The following BACH2 variants were observed in gnomAD, a reference collection of about 807,000 sequenced individuals.
The protein encoded by BACH2 is transcription regulator protein BACH2.
In BACH2, 5 loss-of-function variants were observed where a neutral mutation model predicts 61.8. That is an observed-to-expected ratio of 0.08 (90% CI 0.04 to 0.17). The LOEUF is 0.17. BACH2 is among the 10% of genes least tolerant of loss of function. The probability of loss-of-function intolerance (pLI) is 1.00; values close to 1 mark genes in which losing one functional copy is unlikely to be tolerated. For synonymous variants in BACH2, 446 were observed against 440.1 expected (o/e 1.01, Z -0.17); for missense variants, 824 against 1,091.1 (o/e 0.76, Z 3.45).
At chr6:90,042,797 C>A (rs1779599999) in intron 5 of BACH2, among the ~76,000 whole-genome samples, 1 of 152,188 alleles carries the variant, frequency 6.6e-6, no homozygotes, top group Admixed American at 6.5e-5. Flanking sequence ...CTAAGTTGCT[C>A]TTCCAACTTA....
intron 4 of BACH2, among the ~76,000 whole-genome samples, chr6:90,123,916 C>T (rs913883437): frequency 2.0e-5 from 3 of 151,186 alleles, no homozygotes; most frequent in African/African-American, 4.9e-5. Flanking sequence ...AGGGAGGGTG[C>T]GACTCTCCTC....
At chr6:90,031,458 T>C (rs569310035) in intron 5 of BACH2, among the ~76,000 whole-genome samples, 2 of 152,268 alleles carry the variant, frequency 1.3e-5, no homozygotes, top group Non-Finnish European at 2.9e-5. Flanking sequence ...GAAAACCCCA[T>C]CTTCTCAGCC....
intron 6 of BACH2, among the ~76,000 whole-genome samples, chr6:89,977,286 G>C (rs1775703215): frequency 6.6e-6 from 1 of 152,116 alleles, no homozygotes; most frequent in South Asian, 2.1e-4. Context: ...ATGTACAGAA[G>C]GTTAGCTATT....
intron 3 of BACH2, among the ~76,000 whole-genome samples, chr6:90,211,542 C>T (rs945673193): frequency 9.2e-5 from 14 of 151,422 alleles, no homozygotes; most frequent in Non-Finnish European, 1.6e-4. Context: ...ACATAAGCCA[C>T]CTTTAATCCT....
chr6:89,938,602 A>G (rs1338865385), intron 7 of BACH2, among the ~76,000 whole-genome samples: 3 of 152,266 alleles, frequency 2.0e-5, no homozygotes, highest in Non-Finnish European at 4.4e-5. Context: ...TGACATGAAC[A>G]ATATTGGAAA....
intron 3 of BACH2, among the ~76,000 whole-genome samples, chr6:90,245,158 C>T (rs553126087): frequency 6.6e-6 from 1 of 151,822 alleles, no homozygotes; most frequent in African/African-American, 2.4e-5. Flanking sequence ...GAGATCATGC[C>T]ACTGCAATCC....
intron 6 of BACH2, among the ~76,000 whole-genome samples, chr6:89,998,547 A>T (rs1434583125): frequency 6.6e-6 from 1 of 152,234 alleles, no homozygotes; most frequent in Non-Finnish European, 1.5e-5. Flanking sequence ...TCCACTCCTC[A>T]AAGCAAAACA....
At chr6:90,090,377 G>A (rs1374512508) in intron 4 of BACH2, among the ~76,000 whole-genome samples, 3 of 152,020 alleles carry the variant, frequency 2.0e-5, no homozygotes, top group African/African-American at 7.2e-5. Flanking sequence ...TTGCATGAAA[G>A]GGCATAAACT....
intron 4 of BACH2, chr6:90,117,049 G>T: frequency 3.0e-6 from 1 of 330,786 alleles, no homozygotes. Context: ...TATGAATTCA[G>T]CCATTGTTCA....
chr6:89,990,688 C>T (rs1776496574), intron 6 of BACH2, among the ~76,000 whole-genome samples: 1 of 152,034 alleles, frequency 6.6e-6, no homozygotes. Flanking sequence ...TCTCACTGAG[C>T]CCTGTCCTAA....
intron 4 of BACH2, among the ~76,000 whole-genome samples, chr6:90,093,128 C>A (rs983311071): frequency 6.6e-6 from 1 of 152,164 alleles, no homozygotes; most frequent in Non-Finnish European, 1.5e-5. Context: ...AAACTTAGGA[C>A]AGCAGGTCTT....
intron 4 of BACH2, among the ~76,000 whole-genome samples, chr6:90,099,054 GT>G (rs563373682): frequency 2.4e-4 from 35 of 148,276 alleles, no homozygotes; most frequent in African/African-American, 3.9e-4. Context: ...AATTAAACCT[GT>G]TTTTTTTTTC....
intron 4 of BACH2, among the ~76,000 whole-genome samples, chr6:90,184,115 A>G (rs1768263677): frequency 6.6e-6 from 1 of 152,172 alleles, no homozygotes; most frequent in Admixed American, 6.5e-5. Flanking sequence ...GAAACCAAGT[A>G]CCCTGACCCA....
At chr6:90,070,517 C>T (rs1021569172) in intron 5 of BACH2, among the ~76,000 whole-genome samples, 3 of 152,288 alleles carry the variant, frequency 2.0e-5, no homozygotes, top group South Asian at 2.1e-4. Flanking sequence ...TGATGTCCCA[C>T]GGTCCTCCTG....
chr6:90,003,790 C>A (rs1049581778), intron 6 of BACH2, among the ~76,000 whole-genome samples: 1 of 152,160 alleles, frequency 6.6e-6, no homozygotes, highest in African/African-American at 2.4e-5. Context: ...GTGGTGTCTT[C>A]TTCAGAGTTT....
Position 90,065,270 on chromosome 6 carries a change from C to CTTTTTTTTTT in BACH2, c.-13+23681_-13+23690dup, listed in dbSNP as rs71027920. Among the ~76,000 whole-genome samples the CTTTTTTTTTT allele has an allele frequency of 7.2e-4, 38 of 52,666 alleles. 5 individuals carry two copies. The East Asian group carries it at 0.013, about 18-fold the overall frequency. The allele number at this position is 52,666 out of a possible 152,430, so 34.6% of individuals were successfully genotyped here. On this transcript the variant is annotated intron_variant, in intron 5 of 8. Transcript: ENST00000257749. ...GCCACCCCACCCCCTGCCGCCCCCA[C>CTTTTTTTTTT]TTTTTTTTTTTTTTTTTTTTTTTTT...
chr6:90,114,055 C>G (rs1024785068), intron 4 of BACH2, among the ~76,000 whole-genome samples: 1 of 152,064 alleles, frequency 6.6e-6, no homozygotes, highest in Non-Finnish European at 1.5e-5. Context: ...AAGCGCAAGA[C>G]CTGATGGATT....
rs796935414 is a variant in BACH2 at position 90,025,926 on chromosome 6, C to T, written c.-12-17070G>A. Among the ~76,000 whole-genome samples the T allele has an allele frequency of 3.3e-5, 5 of 152,244 alleles. No homozygotes were observed. In the South Asian group the frequency reaches 6.2e-4, roughly 19 times the overall value. Reference sequence around the variant, plus strand: ...TCAAACCAGAGGGAGGATGACTCAACGGATCATTTTACATTTTAATAGAAG... The same window carrying T: ...TCAAACCAGAGGGAGGATGACTCAATGGATCATTTTACATTTTAATAGAAG... On this transcript the variant is annotated intron_variant, in intron 5 of 8. Transcript: ENST00000257749.
At chr6:89,947,215 A>G (rs1277189768) in intron 7 of BACH2, among the ~76,000 whole-genome samples, 1 of 152,204 alleles carries the variant, frequency 6.6e-6, no homozygotes, top group Non-Finnish European at 1.5e-5. Context: ...AGCCCAATAG[A>G]TGCTGGCTTC....
Sources: gnomAD v4.1 joint callset for allele counts (sites outside exome capture counted in the v4.1 genomes callset) on GRCh38, gnomAD v4.1.1 for gene constraint, MANE v1.5 for transcripts, NCBI Gene and HGNC (gene_info 2026-07-23, HGNC 2026-07-21) for gene names.